The following ASH1L variants were observed in gnomAD, a reference collection of about 807,000 sequenced individuals.
The protein encoded by ASH1L is ASH1 like histone lysine methyltransferase.
ASH1L carries 23 observed loss-of-function variants against 269.0 expected under a neutral mutation model. The ratio of observed to expected loss-of-function variants is 0.09; its 90% CI spans 0.06 to 0.12. The LOEUF (loss-of-function observed/expected upper bound fraction) is 0.12, where lower values mean the gene tolerates loss of function less well. Ranked by LOEUF, ASH1L falls within the 10% of genes least tolerant of loss-of-function variation. ASH1L has a pLI of 1.00. For synonymous variants in ASH1L, 1,187 were observed against 1,253.5 expected, an observed-to-expected ratio of 0.95 and a Z score of 1.12; for missense variants, 2,912 against 3,567.8, an observed-to-expected ratio of 0.82 and a Z score of 4.68.
At chr1:155,379,386 T>C (rs1359090214) in intron 8 of ASH1L, among the ~76,000 whole-genome samples, 2 of 152,162 alleles carry the variant, frequency 1.3e-5, no homozygotes, top group African/African-American at 4.8e-5. Context: ...AAACCTTTGG[T>C]GGCATTTTGG....
rs963977860 is a variant in ASH1L, at chr1:155,343,246, G to A, written c.8293+68C>T. The A allele has an allele frequency of 3.9e-5, 59 of 1,531,698 alleles. No homozygotes were observed. In the East Asian group the frequency reaches 5.0e-4, roughly 13 times the overall value. The allele number at this position is 1,531,698 out of a possible 1,614,324, so 94.9% of individuals were successfully genotyped here. A position where few individuals can be genotyped will look rare whatever the true frequency, so the allele number is the denominator to read the frequency against. ...TCTGCCTGCCTCGGCCTCCCACACC[G>A]CTGGGATTATCAGCGTGAGCCACTG... On this transcript the variant is annotated intron_variant, in intron 24 of 27. Transcript: ENST00000392403. The surrounding 1 kb of genome is among the most constrained non-coding windows in gnomAD (Gnocchi z 6.1).
chr1:155,393,077 C>T (rs771901166), intron 7 of ASH1L, among the ~76,000 whole-genome samples: 13 of 152,142 alleles, frequency 8.5e-5, no homozygotes, highest in Non-Finnish European at 1.6e-4. Context: ...CTAGTAAATA[C>T]AAAAGACTCT....
chr1:155,378,198 C>T lies in ASH1L; in HGVS notation c.6332+83G>A, dbSNP rs908844890. 1.5e-5 allele frequency: 15 copies of T among 997,186 alleles called. No individual in the cohort carries two copies. The Middle Eastern group carries it at 1.0e-3, about 70-fold the overall frequency. 61.8% of individuals were successfully genotyped at this position (997,186 alleles called of 1,614,324 possible). ...CAACTTCTTGAAAAAAATCAAAGAG[C>T]CTATTTAACTGTACCCTCCAAAGGA... On this transcript the variant is annotated intron_variant, in intron 10 of 27. Transcript: ENST00000392403.
intron 4 of ASH1L, among the ~76,000 whole-genome samples, chr1:155,443,979 CTT>C (rs60206113): frequency 4.7e-5 from 5 of 105,748 alleles, no homozygotes; most frequent in African/African-American, 4.0e-5. Context: ...ATTACTAAAT[CTT>C]TTTTTTTTTT....
intron 6 of ASH1L, among the ~76,000 whole-genome samples, chr1:155,398,991 C>A (rs556840484): frequency 3.3e-5 from 5 of 152,182 alleles, no homozygotes; most frequent in African/African-American, 1.2e-4. Flanking sequence ...CCCTGGCCTC[C>A]CAAAGTGCTA....
intron 3 of ASH1L, among the ~76,000 whole-genome samples, chr1:155,473,656 C>T (rs1247959959): frequency 6.6e-6 from 1 of 151,818 alleles, no homozygotes; most frequent in Non-Finnish European, 1.5e-5. Context: ...GCCATCATGC[C>T]CAGCTAATTT....
chr1:155,544,498 A>G (rs933246347), intron 1 of ASH1L, among the ~76,000 whole-genome samples: 2 of 151,172 alleles, frequency 1.3e-5, no homozygotes, highest in Admixed American at 1.3e-4. Context: ...CGTGTTAGCC[A>G]GGATGGTCTC....
chr1:155,360,430 G>T, intron 12 of ASH1L, 21 bp from the exon 13 acceptor site: 3 of 1,469,380 alleles, frequency 2.0e-6, no homozygotes, highest in Non-Finnish European at 2.8e-6. Context: ...AGAAAACAGA[G>T]TTATAAAGGC....
At chr1:155,352,315 A>G (rs1000140154) in intron 17 of ASH1L, among the ~76,000 whole-genome samples, 11 of 151,160 alleles carry the variant, frequency 7.3e-5, no homozygotes, top group Non-Finnish European at 1.0e-4. Flanking sequence ...AAAAAAAAAA[A>G]AAAAAAGACA....
chr1:155,439,109 C>T (rs201405941), intron 4 of ASH1L, 41 bp from the exon 5 acceptor site: 309 of 1,543,234 alleles, frequency 2.0e-4, no homozygotes, highest in Middle Eastern at 1.4e-3. Flanking sequence ...AAATTGGACA[C>T]GGCTAGTTAT....
chr1:155,344,411 C>T (rs999938264), intron 21 of ASH1L, 138 bp from the exon 22 acceptor site: 2 of 624,316 alleles, frequency 3.2e-6, no homozygotes, highest in Non-Finnish European at 5.5e-6. Flanking sequence ...AAGATGAAAG[C>T]AACTAGAGCT....
At chr1:155,548,203 G>GT (rs1670959879) in intron 1 of ASH1L, among the ~76,000 whole-genome samples, 1 of 152,262 alleles carries the variant, frequency 6.6e-6, no homozygotes, top group East Asian at 1.9e-4. Flanking sequence ...CTGAGGACGA[G>GT]TAACTAACGC....
intron 1 of ASH1L, among the ~76,000 whole-genome samples, chr1:155,526,127 G>A (rs1480452542): frequency 6.6e-6 from 1 of 152,128 alleles, no homozygotes; most frequent in African/African-American, 2.4e-5. Context: ...AGCTTCATGA[G>A]GATAGGAACC....
At chr1:155,482,596 T>A in intron 2 of ASH1L, 147 bp from the exon 3 acceptor site, 1 of 763,834 alleles carries the variant, frequency 1.3e-6, no homozygotes, top group Non-Finnish European at 2.1e-6. Flanking sequence ...TATACTTATG[T>A]CACAGTATGT....
chr1:155,437,117 G>A (rs536998737), intron 5 of ASH1L, among the ~76,000 whole-genome samples: 1 of 152,238 alleles, frequency 6.6e-6, no homozygotes, highest in East Asian at 1.9e-4. Flanking sequence ...GGACTTCATA[G>A]ATATCAGAAA....
intron 3 of ASH1L, among the ~76,000 whole-genome samples, chr1:155,468,142 A>C (rs1439038244): frequency 6.6e-6 from 1 of 151,974 alleles, no homozygotes; most frequent in Non-Finnish European, 1.5e-5. Context: ...GTTCTGTAAA[A>C]GCTTCTCAGA....
At chr1:155,492,309 C>T (rs906440226) in intron 2 of ASH1L, among the ~76,000 whole-genome samples, 15 of 152,248 alleles carry the variant, frequency 9.9e-5, no homozygotes, top group African/African-American at 3.1e-4. Flanking sequence ...TCCCAAAGTG[C>T]TGGGATTACA....
At chr1:155,359,965 G>GT in intron 13 of ASH1L, among the ~76,000 whole-genome samples, 1 of 151,644 alleles carries the variant, frequency 6.6e-6, no homozygotes, top group South Asian at 2.1e-4. Context: ...TCGGCTCAAC[G>GT]TAACGCAACC....
At chr1:155,345,174 C>CTTTTTT (rs397981613) in intron 21 of ASH1L, among the ~76,000 whole-genome samples, 4 of 64,020 alleles carry the variant, frequency 6.2e-5, no homozygotes, top group African/African-American at 1.3e-4. Context: ...CCAGGATGGT[C>CTTTTTT]TTTTTTTTTT....
Sources: gnomAD v4.1 joint callset for allele counts (sites outside exome capture counted in the v4.1 genomes callset) on GRCh38, gnomAD v4.1.1 for gene constraint, Gnocchi (gnomAD v3.1) non-coding constraint, MANE v1.5 for transcripts, NCBI Gene and HGNC (gene_info 2026-07-23, HGNC 2026-07-21) for gene names.